PEPD: variants seen among roughly 807,000 people sequenced by gnomAD.
The protein encoded by PEPD is peptidase D.
Under a neutral mutation model 60.7 loss-of-function variants are expected in PEPD, and 53 were observed. The ratio of observed to expected loss-of-function variants is 0.87; its 90% CI spans 0.70 to 1.10. The LOEUF is 1.10. Among genes scored for constraint, PEPD ranks in the 50% least tolerant of loss-of-function variants. PEPD has a pLI of 0.00. For missense variants in PEPD, 711 were observed against 711.9 expected (o/e 1.00, Z 0.01); for synonymous variants, 267 against 284.1 (o/e 0.94, Z 0.60).
rs1052668001 is a variant in PEPD at position 33,510,443 on chromosome 19, T to C, written c.329+585A>G. On this transcript the variant is annotated intron_variant, in intron 3 of 14. Coordinates refer to ENST00000244137, the MANE Select transcript of PEPD (RefSeq NM_000285.4). ...TATATGCAGAGGCTGGAAGGGGCGATGTCTGATTTACATAGGGCTCAGGGG... is the reference window on the plus strand; with the variant it reads ...TATATGCAGAGGCTGGAAGGGGCGACGTCTGATTTACATAGGGCTCAGGGG... Among the ~76,000 whole-genome samples, 14 of 152,182 alleles carry C rather than the reference T, an allele frequency of 9.2e-5. 1 individual carries two copies. Among genetic ancestry groups the C allele is most frequent in the Non-Finnish European group, 4.4e-5 (3 of 68,022 alleles).
intron 9 of PEPD, among the ~76,000 whole-genome samples, chr19:33,424,548 TA>T: frequency 6.6e-6 from 1 of 152,156 alleles, no homozygotes; most frequent in South Asian, 2.1e-4. Flanking sequence ...CTCCCCCTTT[TA>T]AAAAGGACCA....
intron 9 of PEPD, among the ~76,000 whole-genome samples, chr19:33,453,990 C>T (rs114309603): frequency 0.04 from 6,095 of 152,240 alleles, 302 homozygotes; most frequent in Admixed American, 0.16. Flanking sequence ...TGCACCAGGA[C>T]GTCTGGTCAT....
At chr19:33,415,111 C>A (rs372877834) in intron 9 of PEPD, among the ~76,000 whole-genome samples, 14 of 152,194 alleles carry the variant, frequency 9.2e-5, no homozygotes, top group Non-Finnish European at 1.3e-4. Flanking sequence ...CTCTGTGGCG[C>A]CCTCCCAGAA....
At chr19:33,507,186 G>A (rs141074395) in intron 3 of PEPD, among the ~76,000 whole-genome samples, 17 of 152,254 alleles carry the variant, frequency 1.1e-4, no homozygotes, top group Admixed American at 7.8e-4. Context: ...GACGGAATGC[G>A]TTACAAAGGT....
intron 12 of PEPD, among the ~76,000 whole-genome samples, chr19:33,397,693 G>A (rs1354366405): frequency 6.6e-6 from 1 of 151,916 alleles, no homozygotes; most frequent in Admixed American, 6.6e-5. Flanking sequence ...AAGCCCAGTG[G>A]TGGGTGGGAG....
Position 33,496,689 on chromosome 19 carries a change from C to T in PEPD, c.394-3352G>A, listed in dbSNP as rs184228410. ...CACTGGGGACCTCTCACACCCTGCG[C>T]TGTTAAATGACCCTGCCTTGCTTCA... On this transcript the variant is annotated intron_variant, in intron 4 of 14. Coordinates refer to ENST00000244137, the MANE Select transcript of PEPD (RefSeq NM_000285.4). Among the ~76,000 whole-genome samples, 13 of 152,350 alleles carry T rather than the reference C, an allele frequency of 8.5e-5. No individual in the cohort carries two copies. In the East Asian group the frequency reaches 2.1e-3, roughly 25 times the overall value.
chr19:33,424,702 A>G (rs979809763), intron 9 of PEPD, among the ~76,000 whole-genome samples: 1 of 152,172 alleles, frequency 6.6e-6, no homozygotes, highest in Non-Finnish European at 1.5e-5. Flanking sequence ...TGATGAAGAC[A>G]TACCCGAGAC....
In PEPD at chr19:33,401,850, C is replaced by G; in HGVS notation, c.838G>C (p.Glu280Gln). Residue 280 changes from glutamate to glutamine, a missense_variant, in exon 12 of 15, where the codon GAG becomes CAG. Coordinates refer to ENST00000244137, the MANE Select transcript of PEPD (RefSeq NM_000285.4). ...GDMCLFDMGG[E>Q]YYCFASDITC... is the part of the protein sequence containing the mutation. ...ATGTCGGAAGCGAAGCAGTAATACT[C>G]ACCGCCCATGTCGAACAGGCTGCGG... is the stretch of plus-strand genomic sequence containing the variant. 6.2e-7 allele frequency: 1 copy of G among 1,613,228 alleles called. No homozygotes were observed. Among genetic ancestry groups the G allele is most frequent in the Non-Finnish European group, 8.5e-7 (1 of 1,179,962 alleles).
intron 6 of PEPD, among the ~76,000 whole-genome samples, chr19:33,489,416 G>A (rs1970455622): frequency 6.6e-6 from 1 of 152,118 alleles, no homozygotes; most frequent in Non-Finnish European, 1.5e-5. Context: ...ATGACCTGAG[G>A]TCACGAGTTC....
chr19:33,489,436 C>T (rs1016090214), intron 6 of PEPD, among the ~76,000 whole-genome samples: 6 of 152,120 alleles, frequency 3.9e-5, no homozygotes, highest in Non-Finnish European at 7.4e-5. Flanking sequence ...CGAGACAAGC[C>T]TGGCCAACAT....
intron 9 of PEPD, among the ~76,000 whole-genome samples, chr19:33,439,460 G>A (rs1392701058): frequency 1.3e-5 from 2 of 152,252 alleles, no homozygotes; most frequent in Non-Finnish European, 2.9e-5. Flanking sequence ...GTGCACATGG[G>A]CCTGGGAGTG....
chr19:33,490,788 C>T (rs961351004), intron 5 of PEPD, among the ~76,000 whole-genome samples: 5 of 152,154 alleles, frequency 3.3e-5, no homozygotes, highest in South Asian at 2.1e-4. Flanking sequence ...TTCAGCCTCT[C>T]GAGTAGCTGG....
intron 9 of PEPD, among the ~76,000 whole-genome samples, chr19:33,435,106 TGA>T (rs1969350047): frequency 6.6e-6 from 1 of 151,796 alleles, no homozygotes; most frequent in African/African-American, 2.4e-5. Context: ...ATGAGGTGGC[TGA>T]GACGGTAGCT....
At chr19:33,493,160 G>A in intron 5 of PEPD, 130 bp downstream of exon 5, 1 of 725,492 alleles carries the variant, frequency 1.4e-6, no homozygotes, top group South Asian at 1.5e-5. Flanking sequence ...ACAGGCGTGA[G>A]CCCCTGGACC....
intron 13 of PEPD, chr19:33,389,122 T>C (rs968970658): frequency 6.6e-6 from 1 of 152,288 alleles, no homozygotes; most frequent in Non-Finnish European, 1.5e-5. Context: ...TCACGTAAGG[T>C]AACCAGAAAC....
At chr19:33,433,904 G>A (rs1317990239) in intron 9 of PEPD, among the ~76,000 whole-genome samples, 1 of 152,140 alleles carries the variant, frequency 6.6e-6, no homozygotes, top group Admixed American at 6.5e-5. Flanking sequence ...GTGTGTGTGT[G>A]CAAGCCTATT....
chr19:33,434,514 A>C (rs1969337666), intron 9 of PEPD, among the ~76,000 whole-genome samples: 1 of 151,900 alleles, frequency 6.6e-6, no homozygotes, highest in Non-Finnish European at 1.5e-5. Flanking sequence ...CCCAGGGGCT[A>C]CTGGGCATTC....
At chr19:33,517,758 A>C (rs1447013138) in intron 1 of PEPD, among the ~76,000 whole-genome samples, 1 of 151,712 alleles carries the variant, frequency 6.6e-6, no homozygotes, top group East Asian at 2.0e-4. Context: ...CGAGGTCAGG[A>C]GTTTGAGACC....
At chr19:33,415,223 G>C (rs1475188227) in intron 9 of PEPD, among the ~76,000 whole-genome samples, 3 of 152,218 alleles carry the variant, frequency 2.0e-5, no homozygotes, top group African/African-American at 7.2e-5. Flanking sequence ...GAGGTCACAT[G>C]GTCATTCTCG....
Sources: gnomAD v4.1 joint callset for allele counts (sites outside exome capture counted in the v4.1 genomes callset) on GRCh38, gnomAD v4.1.1 for gene constraint, MANE v1.5 for transcripts, NCBI Gene and HGNC (gene_info 2026-07-23, HGNC 2026-07-21) for gene names.